COG4: variants seen among roughly 807,000 people sequenced by gnomAD.
COG4 encodes the protein conserved oligomeric Golgi complex subunit 4.
Under a neutral mutation model 95.1 loss-of-function variants are expected in COG4, and 65 were observed. The observed-to-expected ratio is 0.68, with a 90% CI of 0.56 to 0.84. The LOEUF is 0.84. Among genes scored for constraint, COG4 ranks in the 40% least tolerant of loss-of-function variants. The probability of loss-of-function intolerance (pLI) is 0.00; values close to 1 mark genes in which losing one functional copy is unlikely to be tolerated. For synonymous variants in COG4, 421 were observed against 374.8 expected, an observed-to-expected ratio of 1.12 and a Z score of -1.42; for missense variants, 1,045 against 989.1, an observed-to-expected ratio of 1.06 and a Z score of -0.76.
At chr16:70,520,408 G>T (rs973833611) in intron 1 of COG4, among the ~76,000 whole-genome samples, 1 of 107,434 alleles carries the variant, frequency 9.3e-6, no homozygotes, top group Non-Finnish European at 1.8e-5. Context: ...GCAGTGAGCC[G>T]AGATCATGCC....
intron 14 of COG4, among the ~76,000 whole-genome samples, chr16:70,483,065 C>T (rs2049040024): frequency 1.0e-5 from 1 of 95,560 alleles, no homozygotes; most frequent in Non-Finnish European, 2.1e-5. Context: ...CCTTCCCTCT[C>T]TTCTCCCCAC....
chr16:70,522,176 T>C (rs2049961104), intron 1 of COG4, among the ~76,000 whole-genome samples: 1 of 151,970 alleles, frequency 6.6e-6, no homozygotes, highest in Non-Finnish European at 1.5e-5. Flanking sequence ...TTTGTATTTT[T>C]AGTAGTGATG....
At chr16:70,522,864 C>T (rs1206833114) in intron 1 of COG4, among the ~76,000 whole-genome samples, 1 of 152,158 alleles carries the variant, frequency 6.6e-6, no homozygotes, top group African/African-American at 2.4e-5. Flanking sequence ...GTCTTAAAAG[C>T]TAAACCTCTA....
At chr16:70,482,629 G>T in intron 15 of COG4, 100 bp downstream of exon 15, 1 of 938,074 alleles carries the variant, frequency 1.1e-6, no homozygotes, top group Non-Finnish European at 1.7e-6. Context: ...GGCCTGGGAA[G>T]CATGGAAGGT....
intron 14 of COG4, 37 bp downstream of exon 14, chr16:70,483,816 G>T (rs1597654717): frequency 1.4e-6 from 2 of 1,446,990 alleles, no homozygotes; most frequent in Admixed American, 1.7e-5. Flanking sequence ...CAACACACAG[G>T]CACAGGATTC....
At chr16:70,482,432 A>G in intron 15 of COG4, 1 of 612,806 alleles carries the variant, frequency 1.6e-6, no homozygotes, top group Admixed American at 2.8e-5. Flanking sequence ...CTTGTTCTAC[A>G]GGAATGAAAT....
At chr16:70,523,191 G>T in intron 1 of COG4, 182 bp downstream of exon 1, 1 of 666,906 alleles carries the variant, frequency 1.5e-6, no homozygotes, top group Non-Finnish European at 2.6e-6. Flanking sequence ...CAAGCTCGGC[G>T]CGTCCGACAG....
intron 12 of COG4, among the ~76,000 whole-genome samples, chr16:70,491,887 C>T (rs912005795): frequency 5.3e-5 from 8 of 149,742 alleles, no homozygotes; most frequent in African/African-American, 2.5e-5. Flanking sequence ...ACTGATTCAG[C>T]AAATATTTAC....
intron 13 of COG4, among the ~76,000 whole-genome samples, chr16:70,485,714 T>A (rs1476468290): frequency 4.0e-5 from 6 of 149,206 alleles, no homozygotes; most frequent in Non-Finnish European, 7.4e-5. Context: ...GCCTCCGGAG[T>A]AGCTGGGATT....
chr16:70,517,767 C>T lies in COG4; in HGVS notation c.255-27G>A, dbSNP rs778341961. The T allele has an allele frequency of 1.1e-5, 16 of 1,482,590 alleles. No homozygotes were observed. The Admixed American group carries it at 1.8e-4, about 17-fold the overall frequency. The allele number at this position is 1,482,590 out of a possible 1,614,324, so 91.8% of individuals were successfully genotyped here. On this transcript the variant is annotated intron_variant, in intron 2 of 18. Transcript: ENST00000323786. ...TGGAGAAATACATTGTTAGCATACACATAACGATAGGGCAGAGAAGAGACA... is the reference window on the plus strand; with the variant it reads ...TGGAGAAATACATTGTTAGCATACATATAACGATAGGGCAGAGAAGAGACA...
rs779083895 is a variant in COG4 at position 70,508,413 on chromosome 16, C to T, written c.1054G>A (p.Glu352Lys). The T allele has an allele frequency of 9.9e-6, 16 of 1,613,682 alleles. 1 individual carries two copies. In the Admixed American group the frequency reaches 1.2e-4, roughly 12 times the overall value. Residue 352 changes from glutamate (E) to lysine (K), a missense_variant, in exon 8 of 19, where the codon GAA (glutamate) becomes AAA (lysine). Transcript: ENST00000323786. ...LMRNSTTEKI[E>K]PRELDPILTE... ...AGAGAGAAGGATTATTACCTTGGTTCGATTTTTTCTGTTGTAGAATTTCTC... is the reference window on the plus strand; with the variant it reads ...AGAGAGAAGGATTATTACCTTGGTTTGATTTTTTCTGTTGTAGAATTTCTC...
intron 16 of COG4, 75 bp from the exon 17 acceptor site, chr16:70,481,940 G>T: frequency 6.9e-7 from 1 of 1,447,500 alleles, no homozygotes; most frequent in Non-Finnish European, 9.7e-7. Context: ...TAGGTGGTGA[G>T]GATAGTAGCG....
At chr16:70,510,167 C>T (rs2049670368) in intron 5 of COG4, 146 bp from the exon 6 acceptor site, 1 of 708,662 alleles carries the variant, frequency 1.4e-6, no homozygotes, top group Non-Finnish European at 2.5e-6. Flanking sequence ...ACAGAGGAAA[C>T]TCCCTTGAGG....
chr16:70,521,999 CTTTT>C (rs772349524), intron 1 of COG4, among the ~76,000 whole-genome samples: 1 of 138,206 alleles, frequency 7.2e-6, no homozygotes, highest in African/African-American at 2.7e-5. Flanking sequence ...CCGCGCCAGG[CTTTT>C]TTTTTTTTTA....
rs575038167 is a variant in COG4 at position 70,497,661 on chromosome 16, C to T, written c.1315-274G>A. On this transcript the variant is annotated intron_variant, in intron 10 of 18. Coordinates refer to ENST00000323786, the MANE Select transcript of COG4 (RefSeq NM_015386.3). ...CCCTACTTCCCTGAGGCTCCTTACC[C>T]ACAAACCTTCAGGGAGGTAGGGAAC... is the stretch of plus-strand genomic sequence containing the variant. Among the ~76,000 whole-genome samples the T allele has an allele frequency of 4.6e-5, 7 of 152,298 alleles. No individual in the cohort carries two copies. In the South Asian group the frequency reaches 1.5e-3, roughly 32 times the overall value.
At chr16:70,492,986 C>A (rs190908850) in intron 12 of COG4, among the ~76,000 whole-genome samples, 129 of 152,112 alleles carry the variant, frequency 8.5e-4, no homozygotes, top group Non-Finnish European at 9.9e-4. Context: ...TAGCATGGGG[C>A]AAAATTATTA....
chr16:70,482,698 G>A (rs1355008133), intron 15 of COG4, 31 bp downstream of exon 15: 2 of 1,583,978 alleles, frequency 1.3e-6, no homozygotes, highest in Non-Finnish European at 1.7e-6. Flanking sequence ...GGGGTCATCG[G>A]GGCTTGATGG....
intron 13 of COG4, among the ~76,000 whole-genome samples, chr16:70,489,770 G>A (rs1048706282): frequency 2.6e-5 from 4 of 152,104 alleles, no homozygotes. Context: ...AGGCTCAGAG[G>A]GCTAAGGGAC....
chr16:70,499,958 C>A (rs1421700295), intron 9 of COG4, among the ~76,000 whole-genome samples: 1 of 151,872 alleles, frequency 6.6e-6, no homozygotes, highest in Non-Finnish European at 1.5e-5. Context: ...CCGCGCCCGA[C>A]CTAAAAATTT....
Sources: gnomAD v4.1 joint callset for allele counts (sites outside exome capture counted in the v4.1 genomes callset) on GRCh38, gnomAD v4.1.1 for gene constraint, MANE v1.5 for transcripts, NCBI Gene and HGNC (gene_info 2026-07-23, HGNC 2026-07-21) for gene names.